SCRG1: variants seen among roughly 807,000 people sequenced by gnomAD.
The protein encoded by SCRG1 is stimulator of chondrogenesis 1.
SCRG1 carries 3 observed loss-of-function variants against 7.7 expected under a neutral mutation model. The ratio of observed to expected loss-of-function variants is 0.39; its 90% CI spans 0.18 to 1.01. The LOEUF (loss-of-function observed/expected upper bound fraction) is 1.01. SCRG1 is among the 50% of genes least tolerant of loss of function. The pLI, the probability that SCRG1 is intolerant of heterozygous loss-of-function variation, is 0.36. For missense variants in SCRG1, 110 were observed against 117.2 expected, an observed-to-expected ratio of 0.94 and a Z score of 0.28; for synonymous variants, 46 against 41.2, an observed-to-expected ratio of 1.12 and a Z score of -0.44.
the SCRG1 span, among the ~76,000 whole-genome samples, chr4:173,485,938 C>G: frequency 6.6e-6 from 1 of 152,090 alleles, no homozygotes; most frequent in Admixed American, 6.6e-5. Context: ...CCACCGCACT[C>G]CAGCCTGGGC....
At chr4:173,484,754 A>ACATATAATACATATTATATATTATATG in the SCRG1 span, among the ~76,000 whole-genome samples, 1 of 33,666 alleles carries the variant, frequency 3.0e-5, no homozygotes, top group Non-Finnish European at 5.8e-5. Context: ...TATATTATAT[A>ACATATAATACATATTATATATTATATG]CATATAATAC....
At chr4:173,491,176 G>A in the SCRG1 span, among the ~76,000 whole-genome samples, 1 of 149,436 alleles carries the variant, frequency 6.7e-6, no homozygotes, top group Non-Finnish European at 1.5e-5. Context: ...CTATTTCACA[G>A]AAATAAGTGA....
upstream of SCRG1, among the ~76,000 whole-genome samples, chr4:173,401,489 T>A (rs747529008): frequency 3.9e-5 from 6 of 152,226 alleles, no homozygotes; most frequent in Non-Finnish European, 7.3e-5. Context: ...CTCTTTACTC[T>A]GTTTTACTCT....
chr4:173,419,785 G>A, the SCRG1 span: 8 of 1,460,270 alleles, frequency 5.5e-6, no homozygotes, highest in East Asian at 1.6e-4. Context: ...TTTCCACATT[G>A]TATTCATTGC....
At chr4:173,518,882 C>T in the SCRG1 span, among the ~76,000 whole-genome samples, 17 of 151,152 alleles carry the variant, frequency 1.1e-4, no homozygotes, top group African/African-American at 4.1e-4. Flanking sequence ...AGCATCTCTC[C>T]TTTTCTGCTC....
chr4:173,496,305 C>T, the SCRG1 span, among the ~76,000 whole-genome samples: 1 of 151,028 alleles, frequency 6.6e-6, no homozygotes, highest in Non-Finnish European at 1.5e-5. Flanking sequence ...ATTTGTCATG[C>T]TAAGGTAGGG....
the SCRG1 span, among the ~76,000 whole-genome samples, chr4:173,435,681 T>A: frequency 2.6e-5 from 4 of 152,080 alleles, no homozygotes; most frequent in Admixed American, 6.5e-5. Context: ...TTAGTCAGAG[T>A]CCATTTTTTT....
At chr4:173,470,319 T>C in the SCRG1 span, among the ~76,000 whole-genome samples, 2 of 152,146 alleles carry the variant, frequency 1.3e-5, no homozygotes, top group Non-Finnish European at 2.9e-5. Context: ...CAACCCACCA[T>C]GCAGGTCATA....
chr4:173,416,757 C>A, the SCRG1 span, among the ~76,000 whole-genome samples: 1 of 152,150 alleles, frequency 6.6e-6, no homozygotes, highest in Admixed American at 6.6e-5. Context: ...GACTAGCGTG[C>A]TTGGTTTGTT....
the SCRG1 span, among the ~76,000 whole-genome samples, chr4:173,455,160 C>T: frequency 6.6e-6 from 1 of 152,016 alleles, no homozygotes; most frequent in Non-Finnish European, 1.5e-5. Context: ...GCCACTAGAT[C>T]ACAATCGAAG....
the SCRG1 span, among the ~76,000 whole-genome samples, chr4:173,418,960 T>C: frequency 6.6e-6 from 1 of 152,192 alleles, no homozygotes; most frequent in Non-Finnish European, 1.5e-5. Context: ...ATCAAACCTC[T>C]TTTCTTAATA....
At chr4:173,407,471 G>A (rs1410126539), upstream of SCRG1, among the ~76,000 whole-genome samples, 1 of 152,050 alleles carries the variant, frequency 6.6e-6, no homozygotes, top group Non-Finnish European at 1.5e-5. Context: ...GGAGGTGGAA[G>A]TTGCAGTGAG....
At chr4:173,482,333 G>A in the SCRG1 span, among the ~76,000 whole-genome samples, 11 of 152,240 alleles carry the variant, frequency 7.2e-5, no homozygotes, top group Admixed American at 2.0e-4. Flanking sequence ...GGGTTGGAAG[G>A]ATCCACAAAT....
chr4:173,504,124 C>A, the SCRG1 span, among the ~76,000 whole-genome samples: 4 of 152,180 alleles, frequency 2.6e-5, no homozygotes, highest in Non-Finnish European at 4.4e-5. The surrounding 1 kb of genome is among the most constrained non-coding windows in gnomAD (Gnocchi z 4.7). Context: ...CTGGTGCAGT[C>A]CCCCGCTCTC....
At chr4:173,487,963 TG>T in the SCRG1 span, among the ~76,000 whole-genome samples, 1 of 151,940 alleles carries the variant, frequency 6.6e-6, no homozygotes, top group African/African-American at 2.4e-5. Context: ...TAGCTGGGTG[TG>T]GTGGCACGCA....
chr4:173,483,172 C>CATATAAT, the SCRG1 span, among the ~76,000 whole-genome samples: 3 of 118,842 alleles, frequency 2.5e-5, no homozygotes, highest in Non-Finnish European at 5.0e-5. Context: ...TAACATATAA[C>CATATAAT]ATATAATATA....
rs1201965460 is a variant in SCRG1, at chr4:173,385,674, ATT to A, written c.*2665_*2666del. The A allele has an allele frequency of 6.6e-6, 1 of 152,094 alleles. No individual in the cohort carries two copies. The highest frequency in any genetic ancestry group is 2.4e-5 in the African/African-American group (1 of 41,420). The allele number at this position is 152,094 out of a possible 1,614,324, so 9.4% of individuals were successfully genotyped here. A position where few individuals can be genotyped will look rare whatever the true frequency, so the allele number is the denominator to read the frequency against. ...GACATTATGATGAATAATTTATAAA[ATT>A]TTATTTATTAAATATTTAGCTTTGT... On this transcript the variant is annotated 3_prime_UTR_variant, in exon 3 of 3. Transcript: ENST00000296506.
chr4:173,501,168 T>A, the SCRG1 span, among the ~76,000 whole-genome samples: 1 of 152,054 alleles, frequency 6.6e-6, no homozygotes, highest in Non-Finnish European at 1.5e-5. This position sits in a 1 kb window ranked among gnomAD's most constrained non-coding sequence, Gnocchi z 5.1. Flanking sequence ...TGCTTCCGGG[T>A]CTCGGCAAGC....
At chr4:173,416,290 G>T in the SCRG1 span, among the ~76,000 whole-genome samples, 1 of 152,196 alleles carries the variant, frequency 6.6e-6, no homozygotes, top group Admixed American at 6.5e-5. Context: ...CACTCCCAAC[G>T]CACGGCTCAG....
Sources: gnomAD v4.1 joint callset for allele counts (sites outside exome capture counted in the v4.1 genomes callset) on GRCh38, gnomAD v4.1.1 for gene constraint, Gnocchi (gnomAD v3.1) non-coding constraint, MANE v1.5 for transcripts, NCBI Gene and HGNC (gene_info 2026-07-23, HGNC 2026-07-21) for gene names.